ZNF423: variants seen among roughly 807,000 people sequenced by gnomAD.
ZNF423 encodes the protein zinc finger protein 423, also known as Ebf-associated zinc finger protein.
Under a neutral mutation model 95.8 loss-of-function variants are expected in ZNF423, and 12 were observed. The observed-to-expected ratio is 0.13, with a 90% CI of 0.08 to 0.20. The LOEUF (loss-of-function observed/expected upper bound fraction) is 0.20. ZNF423 is among the 10% of genes least tolerant of loss of function. The probability of loss-of-function intolerance (pLI) is 1.00; values close to 1 mark genes in which losing one functional copy is unlikely to be tolerated. For synonymous variants in ZNF423, 749 were observed against 711.9 expected, an observed-to-expected ratio of 1.05 and a Z score of -0.83; for missense variants, 1,316 against 1,737.1, an observed-to-expected ratio of 0.76 and a Z score of 4.31.
chr16:49,712,089 C>A (rs1171010227), intron 3 of ZNF423, among the ~76,000 whole-genome samples: 1 of 152,096 alleles, frequency 6.6e-6, no homozygotes, highest in East Asian at 1.9e-4. Flanking sequence ...TGTACTCCAG[C>A]CTGGGCAACA....
chr16:49,520,709 A>T (rs1597042140), intron 7 of ZNF423, among the ~76,000 whole-genome samples: 1 of 152,168 alleles, frequency 6.6e-6, no homozygotes, highest in Non-Finnish European at 1.5e-5. Context: ...CCCCCAGCTC[A>T]TTCCAAGAAA....
At chr16:49,542,762 C>T (rs576815854) in intron 5 of ZNF423, among the ~76,000 whole-genome samples, 35 of 152,324 alleles carry the variant, frequency 2.3e-4, no homozygotes, top group Non-Finnish European at 3.4e-4. Flanking sequence ...GGCCAGATGC[C>T]GCCTGCCCAG....
chr16:49,646,989 A>G (rs1318090094), intron 3 of ZNF423, among the ~76,000 whole-genome samples: 3 of 152,196 alleles, frequency 2.0e-5, no homozygotes, highest in Non-Finnish European at 4.4e-5. Context: ...GCAAAGTGAC[A>G]CTCCAAGAAG....
At chr16:49,559,900 G>A (rs1402714552) in intron 5 of ZNF423, among the ~76,000 whole-genome samples, 3 of 152,186 alleles carry the variant, frequency 2.0e-5, no homozygotes, top group Non-Finnish European at 4.4e-5. Flanking sequence ...ACCACTGCTT[G>A]TAGATTTACC....
intron 5 of ZNF423, among the ~76,000 whole-genome samples, chr16:49,527,814 C>G (rs74638645): frequency 0.011 from 1,704 of 152,232 alleles, 34 homozygotes; most frequent in African/African-American, 0.038. Context: ...TGCATGTACC[C>G]CCGCCATCGT....
rs1038700609 is a variant in ZNF423, at chr16:49,735,844, C to T, written c.101-4873G>A. 1.6e-4 allele frequency among the ~76,000 whole-genome samples: 24 copies of T among 152,338 alleles called. No homozygotes were observed. In the Middle Eastern group the frequency reaches 0.01, roughly 65 times the overall value. On this transcript the variant is annotated intron_variant, in intron 2 of 7. Coordinates refer to ENST00000563137, the MANE Select transcript of ZNF423 (RefSeq NM_001379286.1). Reference sequence around the variant, plus strand: ...GATGACAGCAGCTCCAAACACCATGCGGCTGCAACTGTACAAGAAACACCC... The same window carrying T: ...GATGACAGCAGCTCCAAACACCATGTGGCTGCAACTGTACAAGAAACACCC...
chr16:49,798,926 A>C (rs2034540189), intron 1 of ZNF423, among the ~76,000 whole-genome samples: 1 of 152,198 alleles, frequency 6.6e-6, no homozygotes, highest in Non-Finnish European at 1.5e-5. Context: ...GACACCAGGG[A>C]ATAATCCAAG....
At chr16:49,641,251 CCCTTGATCGTGATGTGGG>C (rs1972966519) in intron 3 of ZNF423, among the ~76,000 whole-genome samples, 1 of 152,172 alleles carries the variant, frequency 6.6e-6, no homozygotes, top group Admixed American at 6.5e-5. Context: ...ACATTCAGGC[CCCTTGATCGTGATGTGGG>C]CCTGGACCAG....
chr16:49,575,885 C>T (rs1835449346), intron 5 of ZNF423, among the ~76,000 whole-genome samples: 1 of 152,174 alleles, frequency 6.6e-6, no homozygotes. Flanking sequence ...CTGAAGGAGG[C>T]ACGGGCTGCC....
At chr16:49,739,695 G>GTTTTTTTT (rs1567321248) in intron 2 of ZNF423, among the ~76,000 whole-genome samples, 1 of 132,728 alleles carries the variant, frequency 7.5e-6, no homozygotes. Flanking sequence ...GTTTTTGTTT[G>GTTTTTTTT]GTTTTTTTTT....
intron 5 of ZNF423, among the ~76,000 whole-genome samples, chr16:49,609,711 T>C (rs1971659046): frequency 6.6e-6 from 1 of 152,008 alleles, no homozygotes; most frequent in Admixed American, 6.6e-5. Context: ...CTATAACATT[T>C]TTGTGATTCA....
intron 3 of ZNF423, among the ~76,000 whole-genome samples, chr16:49,653,032 C>A (rs1260610712): frequency 6.6e-6 from 1 of 152,184 alleles, no homozygotes; most frequent in Non-Finnish European, 1.5e-5. Flanking sequence ...TTTTGTCGTG[C>A]TCTGTGAATC....
At chr16:49,723,081 G>A (rs772661107) in intron 3 of ZNF423, among the ~76,000 whole-genome samples, 1 of 150,584 alleles carries the variant, frequency 6.6e-6, no homozygotes, top group African/African-American at 2.4e-5. Flanking sequence ...TCAGCCTCCC[G>A]AGTAGCTGGG....
intron 2 of ZNF423, among the ~76,000 whole-genome samples, chr16:49,774,610 T>A (rs2034089743): frequency 6.6e-6 from 1 of 151,972 alleles, no homozygotes; most frequent in Admixed American, 6.6e-5. Context: ...GAGGCTGGAT[T>A]GGACTCAGAT....
intron 5 of ZNF423, among the ~76,000 whole-genome samples, chr16:49,573,304 A>G (rs1970406837): frequency 6.6e-6 from 1 of 152,184 alleles, no homozygotes; most frequent in African/African-American, 2.4e-5. Flanking sequence ...TTTATAAACC[A>G]TGGGGTATCT....
chr16:49,553,507 G>T (rs539004898), intron 5 of ZNF423, among the ~76,000 whole-genome samples: 54 of 151,958 alleles, frequency 3.6e-4, no homozygotes, highest in African/African-American at 1.3e-3. Flanking sequence ...CCACCCCCAC[G>T]GGCTATTTTT....
At chr16:49,829,733 A>C (rs2144052184) in intron 1 of ZNF423, among the ~76,000 whole-genome samples, 1 of 152,186 alleles carries the variant, frequency 6.6e-6, no homozygotes, top group Middle Eastern at 3.4e-3. Context: ...CTGTCAAGAG[A>C]AGTCAGCTCC....
intron 5 of ZNF423, among the ~76,000 whole-genome samples, chr16:49,533,491 A>G (rs566708749): frequency 1.2e-4 from 19 of 152,340 alleles, no homozygotes; most frequent in Non-Finnish European, 2.9e-5. Context: ...CTCAAATCAG[A>G]AGACTCCAGA....
chr16:49,617,333 C>T (rs1217523188), intron 5 of ZNF423, among the ~76,000 whole-genome samples: 1 of 152,230 alleles, frequency 6.6e-6, no homozygotes, highest in Non-Finnish European at 1.5e-5. Context: ...CCACAGGACC[C>T]TTGTTGTCTG....
Sources: gnomAD v4.1 joint callset for allele counts (sites outside exome capture counted in the v4.1 genomes callset) on GRCh38, gnomAD v4.1.1 for gene constraint, MANE v1.5 for transcripts, NCBI Gene and HGNC (gene_info 2026-07-23, HGNC 2026-07-21) for gene names.